DHX9: variants seen among roughly 807,000 people sequenced by gnomAD.
DHX9 encodes ATP-dependent RNA helicase A.
Under a neutral mutation model 148.7 loss-of-function variants are expected in DHX9, and 27 were observed. That is an observed-to-expected ratio of 0.18 (90% CI 0.13 to 0.25). DHX9 has a LOEUF of 0.25. Ranked by LOEUF, DHX9 falls within the 10% of genes least tolerant of loss-of-function variation. The pLI is 1.00. For synonymous variants in DHX9, 529 were observed against 516.6 expected, an observed-to-expected ratio of 1.02 and a Z score of -0.33; for missense variants, 796 against 1,559.6, an observed-to-expected ratio of 0.51 and a Z score of 8.25.
intron 27 of DHX9, among the ~76,000 whole-genome samples, chr1:182,886,214 G>T (rs1254196007): frequency 2.1e-5 from 3 of 145,166 alleles, no homozygotes; most frequent in South Asian, 2.2e-4. Context: ...TATTTATTTT[G>T]AGAGTCAGTT....
Position 182,852,229 on chromosome 1 carries a change from G to T in DHX9, c.253-4G>T. 6.3e-7 allele frequency: 1 copy of T among 1,593,202 alleles called. No individual in the cohort carries two copies. Among genetic ancestry groups the T allele is most frequent in the South Asian group, 1.1e-5 (1 of 87,712 alleles). ...GACAGCTGCCTTGACTTTTTCTTTT[G>T]CAGGTAGCATCTCCGCCCCCACTTA... On this transcript the variant is annotated splice_polypyrimidine_tract_variant and splice_region_variant and intron_variant, in intron 3 of 27. Transcript: ENST00000367549.
At chr1:182,864,331 G>C (rs1648182346) in intron 12 of DHX9, among the ~76,000 whole-genome samples, 2 of 152,160 alleles carry the variant, frequency 1.3e-5, no homozygotes, top group Non-Finnish European at 2.9e-5. Context: ...CATTCCTCCT[G>C]CCTTGGCCTC....
Position 182,876,030 on chromosome 1 carries a change from T to G in DHX9, c.1816-20T>G, listed in dbSNP as rs1648748961. The G allele has an allele frequency of 3.1e-6, 5 of 1,605,868 alleles. No individual in the cohort carries two copies. The highest frequency in any genetic ancestry group is 2.7e-5 in the African/African-American group (2 of 74,724). On this transcript the variant is annotated intron_variant, in intron 16 of 27. Transcript: ENST00000367549. The stretch of plus-strand genomic sequence containing the variant: ...GAGTAACTGAGACAATCCAAAAATA[T>G]GTCTCCCTGTTTTTTACAGGCAAAT...
Position 182,856,585 on chromosome 1 carries a change from G to GT in DHX9, c.673+9dup, listed in dbSNP as rs756921255. Reference sequence around the variant, plus strand: ...ATCAAGCAGCTGGGCAGAAGTAAGTGTTACTGTTTCCCCAATATTCCAAGT... The same window carrying GT: ...ATCAAGCAGCTGGGCAGAAGTAAGTGTTTACTGTTTCCCCAATATTCCAAGT... On this transcript the variant is annotated splice_region_variant and intron_variant, in intron 7 of 27. Transcript: ENST00000367549. 2.0e-5 allele frequency: 33 copies of GT among 1,613,224 alleles called. No individual in the cohort carries two copies. The African/African-American group carries it at 4.3e-4, about 21-fold the overall frequency.
intron 10 of DHX9, 65 bp downstream of exon 10, chr1:182,858,959 G>C: frequency 6.2e-7 from 1 of 1,609,598 alleles, no homozygotes; most frequent in Non-Finnish European, 8.5e-7. Flanking sequence ...TATTTGATTA[G>C]TATGTCTAGG....
At chr1:182,860,890 CA>C (rs1485990873) in intron 12 of DHX9, among the ~76,000 whole-genome samples, 1 of 152,200 alleles carries the variant, frequency 6.6e-6, no homozygotes, top group African/African-American at 2.4e-5. Flanking sequence ...GTACTTCTGG[CA>C]CTTTGTGGGA....
At chr1:182,849,208 A>T (rs1342416082) in intron 3 of DHX9, among the ~76,000 whole-genome samples, 2 of 152,188 alleles carry the variant, frequency 1.3e-5, no homozygotes, top group Non-Finnish European at 2.9e-5. Flanking sequence ...AGGATATTTT[A>T]AAATTTTTTT....
chr1:182,860,953 T>A (rs914790057), intron 12 of DHX9, among the ~76,000 whole-genome samples: 6 of 152,228 alleles, frequency 3.9e-5, no homozygotes, highest in African/African-American at 1.4e-4. Flanking sequence ...ACATCTTGAC[T>A]TAGAAATTAT....
intron 6 of DHX9, among the ~76,000 whole-genome samples, 175 bp from the exon 7 acceptor site, chr1:182,856,357 A>G (rs1668251201): frequency 6.6e-6 from 1 of 152,184 alleles, no homozygotes; most frequent in Non-Finnish European, 1.5e-5. Flanking sequence ...CATGTTGTAT[A>G]TTATTTGAAG....
At chr1:182,866,651 A>G (rs1242879518) in intron 13 of DHX9, 66 bp downstream of exon 13, 1 of 1,508,790 alleles carries the variant, frequency 6.6e-7, no homozygotes, top group African/African-American at 1.4e-5. Context: ...ACTTGATAGC[A>G]GAACAGAATG....
intron 3 of DHX9, among the ~76,000 whole-genome samples, chr1:182,851,992 G>A (rs1330513794): frequency 6.6e-6 from 1 of 152,158 alleles, no homozygotes; most frequent in Non-Finnish European, 1.5e-5. Flanking sequence ...GTACAGAAAT[G>A]AGTAAACATT....
At chr1:182,878,889 A>G (rs140300281) in intron 20 of DHX9, among the ~76,000 whole-genome samples, 12 of 152,340 alleles carry the variant, frequency 7.9e-5, no homozygotes, top group Non-Finnish European at 1.6e-4. Context: ...GAGAAATGTT[A>G]GTATGAGTTA....
At chr1:182,881,735 A>G in intron 24 of DHX9, 88 bp downstream of exon 24, 1 of 1,374,112 alleles carries the variant, frequency 7.3e-7, no homozygotes, top group Non-Finnish European at 9.8e-7. Context: ...TTAGTTTCAA[A>G]TTTTAGACCC....
At chr1:182,884,927 T>G in intron 27 of DHX9, 114 bp downstream of exon 27, 2 of 885,644 alleles carry the variant, frequency 2.3e-6, no homozygotes, top group South Asian at 1.6e-5. Flanking sequence ...ATTCTAGATA[T>G]AGATAGAGCT....
At chr1:182,883,733 C>G in intron 26 of DHX9, 98 bp downstream of exon 26, 1 of 758,218 alleles carries the variant, frequency 1.3e-6, no homozygotes, top group East Asian at 2.8e-5. Context: ...CTAATTATAT[C>G]TAACTTAATT....
chr1:182,878,506 A>G (rs1013924823), intron 20 of DHX9, among the ~76,000 whole-genome samples: 1 of 152,212 alleles, frequency 6.6e-6, no homozygotes, highest in African/African-American at 2.4e-5. Context: ...AAGAATATAA[A>G]TAATGCCTAA....
chr1:182,878,227 G>A, intron 20 of DHX9, 54 bp downstream of exon 20: 2 of 1,587,184 alleles, frequency 1.3e-6, no homozygotes, highest in Non-Finnish European at 1.7e-6. Context: ...TCTCTGTAGG[G>A]ACAGATGTGT....
At chr1:182,846,237 CTTTTTT>C (rs546727701) in intron 3 of DHX9, among the ~76,000 whole-genome samples, 2 of 138,804 alleles carry the variant, frequency 1.4e-5, no homozygotes, top group East Asian at 4.1e-4. Flanking sequence ...ACCAGATGTA[CTTTTTT>C]TTTTTTTTTT....
chr1:182,848,675 A>G (rs1054054251), intron 3 of DHX9, among the ~76,000 whole-genome samples: 6 of 152,196 alleles, frequency 3.9e-5, no homozygotes, highest in Non-Finnish European at 8.8e-5. Flanking sequence ...CCATTCTTGC[A>G]TTGCTATAAA....
Sources: allele counts gnomAD v4.1 joint callset (sites outside exome capture counted in the v4.1 genomes callset), GRCh38; gene constraint gnomAD v4.1.1; transcripts MANE v1.5; gene names NCBI Gene and HGNC (gene_info 2026-07-23, HGNC 2026-07-21).